The following SSPN variants were observed in gnomAD, a reference collection of about 807,000 sequenced individuals.
SSPN encodes K-ras oncogene-associated protein.
Under a neutral mutation model 19.1 loss-of-function variants are expected in SSPN, and 15 were observed. That is an observed-to-expected ratio of 0.78 (90% confidence interval 0.52 to 1.21). SSPN has a LOEUF of 1.21. SSPN is among the 50% of genes most tolerant of loss of function. The probability of loss-of-function intolerance (pLI) is 0.00; values close to 1 mark genes in which losing one functional copy is unlikely to be tolerated. For synonymous variants in SSPN, 147 were observed against 140.3 expected, an observed-to-expected ratio of 1.05 and a Z score of -0.34; for missense variants, 291 against 314.0, an observed-to-expected ratio of 0.93 and a Z score of 0.55.
intron 1 of SSPN, among the ~76,000 whole-genome samples, chr12:26,182,920 G>A (rs1291225385): frequency 2.6e-5 from 4 of 151,782 alleles, no homozygotes; most frequent in Non-Finnish European, 4.4e-5. Flanking sequence ...ACGCCACCAC[G>A]GCCGGCTAAT....
At chr12:26,221,011 C>A (rs769749105) in intron 1 of SSPN, among the ~76,000 whole-genome samples, 1 of 152,194 alleles carries the variant, frequency 6.6e-6, no homozygotes, top group Non-Finnish European at 1.5e-5. Flanking sequence ...AAGGACCATT[C>A]TAAAAGGCAA....
At chr12:26,139,215 T>C (rs913725790) in intron 1 of SSPN, among the ~76,000 whole-genome samples, 3 of 152,166 alleles carry the variant, frequency 2.0e-5, no homozygotes, top group Non-Finnish European at 4.4e-5. Context: ...TTTTATTGAT[T>C]TTTGCTAAAT....
chr12:26,204,382 A>T (rs1944912806), intron 1 of SSPN, among the ~76,000 whole-genome samples: 1 of 152,206 alleles, frequency 6.6e-6, no homozygotes, highest in Non-Finnish European at 1.5e-5. Context: ...TACAATTCTA[A>T]GGTTAACTTA....
intron 1 of SSPN, among the ~76,000 whole-genome samples, chr12:26,215,564 T>C (rs1945038990): frequency 6.6e-6 from 1 of 152,240 alleles, no homozygotes; most frequent in South Asian, 2.1e-4. Flanking sequence ...AAATCAGCCA[T>C]GGTAGAAGTA....
intron 1 of SSPN, among the ~76,000 whole-genome samples, chr12:26,219,051 A>G (rs1402218730): frequency 6.6e-6 from 1 of 152,218 alleles, no homozygotes; most frequent in Non-Finnish European, 1.5e-5. Context: ...TTACAGAAAT[A>G]GAGTCCCATT....
upstream of SSPN, among the ~76,000 whole-genome samples, chr12:26,191,512 G>T (rs2137451885): frequency 6.6e-6 from 1 of 152,256 alleles, no homozygotes; most frequent in Admixed American, 6.5e-5. Flanking sequence ...TGACCATAAA[G>T]ATTGCATTGT....
chr12:26,122,933 C>T, intron 1 of SSPN: 1 of 1,551,892 alleles, frequency 6.4e-7, no homozygotes, highest in Middle Eastern at 1.7e-4. Flanking sequence ...ACCCGGCGGC[C>T]GAGGGAGCGC....
chr12:26,190,101 G>A (rs1248826628), intron 1 of SSPN, among the ~76,000 whole-genome samples: 1 of 152,142 alleles, frequency 6.6e-6, no homozygotes, highest in Non-Finnish European at 1.5e-5. Context: ...TTGAGAAGGA[G>A]GATATGATGA....
chr12:26,133,242 AT>A, intron 1 of SSPN, among the ~76,000 whole-genome samples: 1 of 152,182 alleles, frequency 6.6e-6, no homozygotes, highest in East Asian at 1.9e-4. Flanking sequence ...TGGATGGCAA[AT>A]TTAGCAAGAC....
chr12:26,209,656 A>G (rs1223276521), intron 1 of SSPN, among the ~76,000 whole-genome samples: 1 of 151,936 alleles, frequency 6.6e-6, no homozygotes, highest in Non-Finnish European at 1.5e-5. Context: ...TTATTTTCAC[A>G]TATCCCTGGT....
chr12:26,202,878 A>T (rs919116288), intron 1 of SSPN, among the ~76,000 whole-genome samples: 2 of 152,216 alleles, frequency 1.3e-5, no homozygotes, highest in Non-Finnish European at 2.9e-5. Flanking sequence ...CTATAAAGAT[A>T]CTACGTGAGA....
intron 1 of SSPN, chr12:26,122,828 C>G (rs1397683588): frequency 1.3e-6 from 2 of 1,584,048 alleles, no homozygotes; most frequent in Non-Finnish European, 1.7e-6. Context: ...CGGCGGCGAG[C>G]TCGGCGCTGG....
At chr12:26,151,455 A>G (rs1020897837) in intron 1 of SSPN, among the ~76,000 whole-genome samples, 1 of 152,120 alleles carries the variant, frequency 6.6e-6, no homozygotes, top group African/African-American at 2.4e-5. Context: ...TAAAATCCTC[A>G]ATTGGGTCCT....
intron 1 of SSPN, among the ~76,000 whole-genome samples, chr12:26,166,472 T>C (rs920258887): frequency 6.6e-6 from 1 of 152,214 alleles, no homozygotes; most frequent in African/African-American, 2.4e-5. Flanking sequence ...ACATTGTACA[T>C]TGAGAGCCAT....
At chr12:26,223,325 C>T (rs1439776067) in intron 1 of SSPN, among the ~76,000 whole-genome samples, 3 of 152,216 alleles carry the variant, frequency 2.0e-5, no homozygotes, top group Non-Finnish European at 4.4e-5. Flanking sequence ...ATTCTCCTGC[C>T]TCAGCCTCCC....
intron 1 of SSPN, 119 bp downstream of exon 1, chr12:26,196,070 G>C: frequency 1.1e-6 from 1 of 888,098 alleles, no homozygotes; most frequent in South Asian, 2.2e-5. Context: ...CTTCTAACTC[G>C]CGCTCTGCTC....
intron 2 of SSPN, among the ~76,000 whole-genome samples, chr12:26,229,327 G>A (rs1219755556): frequency 6.6e-6 from 1 of 152,104 alleles, no homozygotes; most frequent in Non-Finnish European, 1.5e-5. Context: ...TCCCTTACAG[G>A]CAAACCAGAG....
At chr12:26,146,124 A>G (rs1396658985) in intron 1 of SSPN, among the ~76,000 whole-genome samples, 1 of 152,180 alleles carries the variant, frequency 6.6e-6, no homozygotes, top group East Asian at 1.9e-4. Flanking sequence ...GAGACAAGTG[A>G]AGAGAAGGGT....
chr12:26,178,324 G>C (rs1944697250), intron 1 of SSPN, among the ~76,000 whole-genome samples: 1 of 151,974 alleles, frequency 6.6e-6, no homozygotes, highest in Non-Finnish European at 1.5e-5. Flanking sequence ...CCATCTCATA[G>C]TGTTATTATA....
Sources: allele counts gnomAD v4.1 joint callset (sites outside exome capture counted in the v4.1 genomes callset), GRCh38; gene constraint gnomAD v4.1.1; transcripts MANE v1.5; gene names NCBI Gene and HGNC (gene_info 2026-07-23, HGNC 2026-07-21).